Variants in RPSA2 observed in about 807,000 individuals in gnomAD.
The protein encoded by RPSA2 is small ribosomal subunit protein uS2B.
chr19:23,845,972 C>T, the RPSA2 span, among the ~76,000 whole-genome samples: 2 of 152,116 alleles, frequency 1.3e-5, no homozygotes, highest in Non-Finnish European at 2.9e-5. Flanking sequence ...TGCCAGCTTT[C>T]CTATCTCAAT....
At chr19:23,766,142 C>CTTTTTTTTTTTTTTTTTTT in the RPSA2 span, among the ~76,000 whole-genome samples, 12 of 43,260 alleles carry the variant, frequency 2.8e-4, 5 homozygotes, top group African/African-American at 6.2e-4. Context: ...TATTTCATTT[C>CTTTTTTTTTTTTTTTTTTT]CTTTTTTTTT....
chr19:23,842,786 T>C, the RPSA2 span: 2 of 152,202 alleles, frequency 1.3e-5, no homozygotes, highest in East Asian at 3.8e-4. Context: ...TCAACCCTTT[T>C]AAGGAAAACT....
chr19:23,839,122 T>G, the RPSA2 span, among the ~76,000 whole-genome samples: 1 of 152,350 alleles, frequency 6.6e-6, no homozygotes, highest in African/African-American at 2.4e-5. Flanking sequence ...CCCAGAGGTT[T>G]TGATAGGTTG....
chr19:23,802,978 A>G, the RPSA2 span, among the ~76,000 whole-genome samples: 1 of 152,180 alleles, frequency 6.6e-6, no homozygotes, highest in Non-Finnish European at 1.5e-5. Flanking sequence ...TTATCTTCTA[A>G]AAAACTATTT....
the RPSA2 span, among the ~76,000 whole-genome samples, chr19:23,849,257 G>A: frequency 2.0e-5 from 3 of 152,212 alleles, no homozygotes; most frequent in East Asian, 1.9e-4. Flanking sequence ...TACTGAGGGA[G>A]GGGAGCAGCA....
At chr19:23,807,636 ACT>A in the RPSA2 span, among the ~76,000 whole-genome samples, 2 of 112,976 alleles carry the variant, frequency 1.8e-5, no homozygotes, top group Non-Finnish European at 3.8e-5. Context: ...ATATTATGCC[ACT>A]CTCTTTTCTC....
At chr19:23,814,684 TA>T in the RPSA2 span, among the ~76,000 whole-genome samples, 2 of 152,100 alleles carry the variant, frequency 1.3e-5, no homozygotes, top group African/African-American at 4.8e-5. Context: ...TTTGAAAAAC[TA>T]TTATTTTTTG....
chr19:23,827,094 C>A, the RPSA2 span: 4 of 743,614 alleles, frequency 5.4e-6, no homozygotes, highest in Non-Finnish European at 9.4e-6. Flanking sequence ...CTTTTCCGCG[C>A]TACCTGCAGA....
chr19:23,865,225 G>T, the RPSA2 span, among the ~76,000 whole-genome samples: 3 of 152,302 alleles, frequency 2.0e-5, no homozygotes, highest in East Asian at 3.9e-4. Context: ...CTGAATGACG[G>T]TACCATGGGG....
the RPSA2 span, among the ~76,000 whole-genome samples, chr19:23,761,926 T>TCCTTCC: frequency 3.7e-4 from 46 of 124,828 alleles, 5 homozygotes; most frequent in Admixed American, 6.4e-4. Context: ...CTTTCTTTTT[T>TCCTTCC]TTTTTTTTTG....
chr19:23,820,517 C>T, the RPSA2 span, among the ~76,000 whole-genome samples: 1 of 152,124 alleles, frequency 6.6e-6, no homozygotes, highest in Non-Finnish European at 1.5e-5. Flanking sequence ...GTGGAGCAGT[C>T]AATGCTGTCT....
At chr19:23,859,693 T>A in the RPSA2 span, among the ~76,000 whole-genome samples, 1 of 152,228 alleles carries the variant, frequency 6.6e-6, no homozygotes, top group Non-Finnish European at 1.5e-5. Context: ...TATTTAACTT[T>A]TTACTGATTC....
chr19:23,800,595 C>A, the RPSA2 span, among the ~76,000 whole-genome samples: 338 of 134,960 alleles, frequency 2.5e-3, no homozygotes, highest in Non-Finnish European at 3.8e-3. Flanking sequence ...TCTAGAGGGG[C>A]TAGAGCAGAT....
chr19:23,768,809 A>G, the RPSA2 span, among the ~76,000 whole-genome samples: 1 of 150,308 alleles, frequency 6.7e-6, no homozygotes, highest in Non-Finnish European at 1.5e-5. Flanking sequence ...GCTGTTCTCA[A>G]ACTCCTGACC....
chr19:23,852,848 T>C, the RPSA2 span, among the ~76,000 whole-genome samples: 1 of 152,212 alleles, frequency 6.6e-6, no homozygotes, highest in Non-Finnish European at 1.5e-5. Flanking sequence ...AATCTGAACA[T>C]TTTGAGGTTG....
chr19:23,841,884 G>A, the RPSA2 span, among the ~76,000 whole-genome samples: 95 of 152,204 alleles, frequency 6.2e-4, no homozygotes, highest in Non-Finnish European at 1.1e-3. Flanking sequence ...TGTTTACCAC[G>A]GCCTATTCTT....
the RPSA2 span, chr19:23,826,908 T>C: frequency 4.1e-6 from 2 of 484,914 alleles, no homozygotes; most frequent in African/African-American, 3.9e-5. Context: ...GTCTGGTTGA[T>C]CTCGAACTCC....
the RPSA2 span, among the ~76,000 whole-genome samples, chr19:23,862,456 A>C: frequency 0.98 from 147,306 of 150,636 alleles, 72,118 homozygotes; most frequent in Middle Eastern, 1. Context: ...GTCTTGTGCC[A>C]GTTTTCAAAG....
At chr19:23,868,659 A>G in the RPSA2 span, among the ~76,000 whole-genome samples, 7 of 152,252 alleles carry the variant, frequency 4.6e-5, no homozygotes, top group Admixed American at 4.6e-4. Flanking sequence ...AGGAAAGTTT[A>G]TCTGAAATTA....
Sources: gnomAD v4.1 joint callset for allele counts (sites outside exome capture counted in the v4.1 genomes callset) on GRCh38, gnomAD v4.1.1 for gene constraint, MANE v1.5 for transcripts, NCBI Gene and HGNC (gene_info 2026-07-23, HGNC 2026-07-21) for gene names.